CSMD2: variants seen among roughly 807,000 people sequenced by gnomAD.
CSMD2 encodes CUB and Sushi multiple domains 2, also known as CUB and sushi domain-containing protein 2.
A neutral mutation model predicts 398.5 loss-of-function variants in CSMD2; 130 were observed. That is an observed-to-expected ratio of 0.33 (90% CI 0.28 to 0.38). CSMD2 has a LOEUF of 0.38. Among genes scored for constraint, CSMD2 ranks in the 10% least tolerant of loss-of-function variants. CSMD2 has a pLI of 1.00. For missense variants in CSMD2, 3,829 were observed against 4,764.9 expected, an observed-to-expected ratio of 0.80 and a Z score of 5.78; for synonymous variants, 1,828 against 1,908.5, an observed-to-expected ratio of 0.96 and a Z score of 1.10.
chr1:33,887,754 T>C (rs955891488), intron 5 of CSMD2, among the ~76,000 whole-genome samples: 1 of 152,146 alleles, frequency 6.6e-6, no homozygotes, highest in African/African-American at 2.4e-5. Flanking sequence ...AATATAATAA[T>C]TCTGGAGGCA....
intron 53 of CSMD2, among the ~76,000 whole-genome samples, chr1:33,560,387 G>C (rs768268359): frequency 3.3e-5 from 5 of 152,196 alleles, no homozygotes; most frequent in Non-Finnish European, 5.9e-5. Context: ...TGTGGTATTT[G>C]CAGGCCACCA....
intron 12 of CSMD2, among the ~76,000 whole-genome samples, chr1:33,775,067 T>C (rs1349845032): frequency 6.6e-6 from 1 of 152,152 alleles, no homozygotes; most frequent in African/African-American, 2.4e-5. Flanking sequence ...AGTCTGGAAA[T>C]AGGGTGTGGA....
intron 41 of CSMD2, among the ~76,000 whole-genome samples, chr1:33,608,927 G>A (rs992424085): frequency 6.6e-6 from 1 of 152,222 alleles, no homozygotes; most frequent in Non-Finnish European, 1.5e-5. Context: ...AGCCTTGGGG[G>A]AAGGCGTTGC....
chr1:34,006,308 C>T (rs1647053117), intron 3 of CSMD2, among the ~76,000 whole-genome samples: 1 of 152,088 alleles, frequency 6.6e-6, no homozygotes, highest in Non-Finnish European at 1.5e-5. Context: ...TACGTTGCAC[C>T]TGGAGAATTC....
chr1:33,659,142 G>A (rs1309941616), intron 26 of CSMD2, among the ~76,000 whole-genome samples: 1 of 152,220 alleles, frequency 6.6e-6, no homozygotes, highest in Non-Finnish European at 1.5e-5. Flanking sequence ...AGGAATTTGC[G>A]ACGTCTTCGT....
At chr1:34,058,053 T>G (rs1318966470) in intron 2 of CSMD2, among the ~76,000 whole-genome samples, 1 of 152,064 alleles carries the variant, frequency 6.6e-6, no homozygotes, top group Non-Finnish European at 1.5e-5. Context: ...GGAAAGCCAG[T>G]CATAGTCACC....
At chr1:33,535,698 C>T (rs1458980916) in intron 62 of CSMD2, among the ~76,000 whole-genome samples, 1 of 152,182 alleles carries the variant, frequency 6.6e-6, no homozygotes, top group Non-Finnish European at 1.5e-5. Flanking sequence ...ATTTCCTTAT[C>T]CTCCCTCACG....
chr1:33,920,194 G>C (rs1162223570), intron 4 of CSMD2, among the ~76,000 whole-genome samples: 3 of 152,040 alleles, frequency 2.0e-5, no homozygotes, highest in Non-Finnish European at 4.4e-5. Flanking sequence ...CAAATGCAAA[G>C]GTCACCAGGG....
intron 1 of CSMD2, among the ~76,000 whole-genome samples, chr1:34,160,493 G>A (rs1032753579): frequency 3.9e-5 from 6 of 152,146 alleles, no homozygotes. Context: ...GGGACCAGAT[G>A]TCTTTGTCAT....
intron 25 of CSMD2, among the ~76,000 whole-genome samples, chr1:33,688,980 G>C (rs181971569): frequency 6.6e-6 from 1 of 151,934 alleles, no homozygotes; most frequent in East Asian, 1.9e-4. Context: ...GGTTATTCAA[G>C]ACAGGTGTGT....
At chr1:33,759,324 CTTTTTT>C (rs756784492) in intron 13 of CSMD2, among the ~76,000 whole-genome samples, 1 of 124,790 alleles carries the variant, frequency 8.0e-6, no homozygotes, top group African/African-American at 3.1e-5. Context: ...CTTTTTTTTT[CTTTTTT>C]TTTTTTTTTT....
At chr1:34,048,053 C>T (rs1652741249) in intron 2 of CSMD2, among the ~76,000 whole-genome samples, 2 of 152,212 alleles carry the variant, frequency 1.3e-5, no homozygotes, top group African/African-American at 4.8e-5. Context: ...TCTTCCATGA[C>T]AGAGACTGAA....
At chr1:33,707,719 ACAC>A (rs1557765070) in intron 22 of CSMD2, among the ~76,000 whole-genome samples, 2 of 150,180 alleles carry the variant, frequency 1.3e-5, no homozygotes, top group African/African-American at 2.5e-5. Flanking sequence ...ACACACACAC[ACAC>A]ACACACACAC....
chr1:33,547,409 T>A (rs1367007661), intron 56 of CSMD2, among the ~76,000 whole-genome samples: 2 of 152,226 alleles, frequency 1.3e-5, no homozygotes, highest in Non-Finnish European at 2.9e-5. Flanking sequence ...AAAGATAAAG[T>A]TACAACTATC....
intron 25 of CSMD2, among the ~76,000 whole-genome samples, chr1:33,684,227 G>A (rs74066686): frequency 0.023 from 3,446 of 152,318 alleles, 120 homozygotes; most frequent in African/African-American, 0.079. Flanking sequence ...AACCATGCCC[G>A]CCAATGCCTG....
At chr1:33,880,295 A>T (rs1400420735) in intron 5 of CSMD2, among the ~76,000 whole-genome samples, 4 of 152,150 alleles carry the variant, frequency 2.6e-5, no homozygotes, top group African/African-American at 9.7e-5. Flanking sequence ...TTTTTGAGGG[A>T]GGACATAAAG....
chr1:33,758,392 T>C (rs568431103), intron 13 of CSMD2, among the ~76,000 whole-genome samples: 29 of 152,356 alleles, frequency 1.9e-4, no homozygotes, highest in Admixed American at 1.3e-3. Flanking sequence ...CAGTAGACCC[T>C]GGGTGGCCAA....
At chr1:33,978,443 C>T (rs1472190098) in intron 3 of CSMD2, among the ~76,000 whole-genome samples, 2 of 152,194 alleles carry the variant, frequency 1.3e-5, no homozygotes, top group Non-Finnish European at 2.9e-5. Flanking sequence ...GACCCGCAAC[C>T]CACTCCAGGG....
At chr1:33,899,417 G>C (rs1005255165) in intron 5 of CSMD2, among the ~76,000 whole-genome samples, 2 of 152,222 alleles carry the variant, frequency 1.3e-5, no homozygotes, top group Non-Finnish European at 2.9e-5. Context: ...GGGAGGCAAA[G>C]GGCCCTGGCT....
Sources: gnomAD v4.1 joint callset for allele counts (sites outside exome capture counted in the v4.1 genomes callset) on GRCh38, gnomAD v4.1.1 for gene constraint, MANE v1.5 for transcripts, NCBI Gene and HGNC (gene_info 2026-07-23, HGNC 2026-07-21) for gene names.